The following GATAD2B variants were observed in gnomAD, a reference collection of about 807,000 sequenced individuals.
GATAD2B encodes the protein transcriptional repressor p66-beta.
Under a neutral mutation model 64.3 loss-of-function variants are expected in GATAD2B, and 8 were observed. The observed-to-expected ratio is 0.12, with a 90% CI of 0.07 to 0.22. GATAD2B has a LOEUF of 0.22. Ranked by LOEUF, GATAD2B falls within the 10% of genes least tolerant of loss-of-function variation. The pLI, the probability that GATAD2B is intolerant of heterozygous loss-of-function variation, is 1.00. For missense variants in GATAD2B, 453 were observed against 752.0 expected (o/e 0.60, Z 4.65); for synonymous variants, 281 against 271.3 (o/e 1.04, Z -0.35).
intron 1 of GATAD2B, among the ~76,000 whole-genome samples, chr1:153,875,322 A>G (rs1391511174): frequency 1.3e-5 from 2 of 152,152 alleles, no homozygotes; most frequent in Non-Finnish European, 2.9e-5. Context: ...CTTGGGCCAC[A>G]CATAAAATAC....
At chr1:153,834,300 G>A (rs1417363894) in intron 1 of GATAD2B, among the ~76,000 whole-genome samples, 1 of 151,668 alleles carries the variant, frequency 6.6e-6, no homozygotes, top group Non-Finnish European at 1.5e-5. Context: ...ACCACGCCCA[G>A]CCAAGACCCT....
At position 153,905,622 on chromosome 1, in the gene GATAD2B, G is replaced by A. The variant is rs73010748; in HGVS notation, c.-2+17111C>T. Reference sequence around the variant, plus strand: ...TCTTCCTGATTCCAAAACTTACTACGTAACTACAGTAATCAAAACAGTGTG... The same window carrying A: ...TCTTCCTGATTCCAAAACTTACTACATAACTACAGTAATCAAAACAGTGTG... On this transcript the variant is annotated intron_variant, in intron 1 of 10. Transcript: ENST00000368655. Among the ~76,000 whole-genome samples the A allele has an allele frequency of 2.0e-3, 294 of 149,100 alleles. 1 individual carries two copies. The highest frequency in any genetic ancestry group is 6.9e-3 in the African/African-American group (278 of 40,568).
chr1:153,828,421 G>C, intron 1 of GATAD2B, 73 bp from the exon 2 acceptor site: 1 of 1,049,270 alleles, frequency 9.5e-7, no homozygotes, highest in Non-Finnish European at 1.4e-6. Flanking sequence ...AGGTGGAATG[G>C]TGAAGTTATT....
chr1:153,897,493 T>C (rs1677632301), intron 1 of GATAD2B, among the ~76,000 whole-genome samples: 1 of 152,220 alleles, frequency 6.6e-6, no homozygotes, highest in East Asian at 1.9e-4. Context: ...TAGGATTACT[T>C]GACTTTTGGT....
chr1:153,848,956 A>G (rs1675785993), intron 1 of GATAD2B, among the ~76,000 whole-genome samples: 1 of 147,414 alleles, frequency 6.8e-6, no homozygotes. Flanking sequence ...TCTCAAAACA[A>G]AGCAAAAAAC....
intron 1 of GATAD2B, among the ~76,000 whole-genome samples, chr1:153,910,699 C>T (rs886358687): frequency 6.6e-6 from 1 of 152,042 alleles, no homozygotes. Context: ...AAGACTGCGC[C>T]ACTGTGCTCT....
chr1:153,869,501 T>C (rs1301665078), intron 1 of GATAD2B, among the ~76,000 whole-genome samples: 1 of 152,192 alleles, frequency 6.6e-6, no homozygotes, highest in African/African-American at 2.4e-5. Flanking sequence ...TTTCAAACTG[T>C]CCCAGATCTG....
chr1:153,836,721 T>C (rs894911692), intron 1 of GATAD2B, among the ~76,000 whole-genome samples: 4 of 152,164 alleles, frequency 2.6e-5, no homozygotes, highest in Non-Finnish European at 4.4e-5. Flanking sequence ...TAAGTTGATA[T>C]ACTACAGTAT....
rs1674195328 is a variant in GATAD2B, at chr1:153,808,985, C to T, written c.*1192G>A. On this transcript the variant is annotated 3_prime_UTR_variant, in exon 11 of 11. Coordinates refer to ENST00000368655, the MANE Select transcript of GATAD2B (RefSeq NM_020699.4). Reference sequence around the variant, plus strand: ...CAGGACTCCAACCTGATTGTGTACCCCCAGCCTCTCATCTCCTGGCACTCA... The same window carrying T: ...CAGGACTCCAACCTGATTGTGTACCTCCAGCCTCTCATCTCCTGGCACTCA... The T allele has an allele frequency of 6.6e-6, 1 of 151,958 alleles. No homozygotes were observed. The allele number at this position is 151,958 out of a possible 1,614,324, so 9.4% of individuals were successfully genotyped here.
At chr1:153,841,124 C>CAAAAAAAAAAAAAAAAAAA in intron 1 of GATAD2B, among the ~76,000 whole-genome samples, 1 of 77,436 alleles carries the variant, frequency 1.3e-5, no homozygotes, top group African/African-American at 5.5e-5. Context: ...GACTCCGTCT[C>CAAAAAAAAAAAAAAAAAAA]AAAAAAAAAA....
At chr1:153,860,867 C>T (rs1188780059) in intron 1 of GATAD2B, among the ~76,000 whole-genome samples, 1 of 152,080 alleles carries the variant, frequency 6.6e-6, no homozygotes, top group Non-Finnish European at 1.5e-5. Flanking sequence ...GCTGAGGCTG[C>T]TCTTGAACTC....
chr1:153,846,813 C>T (rs1395108953), intron 1 of GATAD2B, among the ~76,000 whole-genome samples: 2 of 151,996 alleles, frequency 1.3e-5, no homozygotes, highest in Non-Finnish European at 2.9e-5. Context: ...CCTGCTGCGG[C>T]CTCCCCAAGT....
chr1:153,868,144 T>C lies in GATAD2B; in HGVS notation c.-1-39796A>G, dbSNP rs146548542. Among the ~76,000 whole-genome samples the C allele has an allele frequency of 1.5e-4, 23 of 151,838 alleles. No homozygotes were observed. The East Asian group carries it at 3.1e-3, about 21-fold the overall frequency. ...CGAACCCGGGAGGGAGGAGGTTGCA[T>C]TGAGCTGAGATCGTGCCACTGCACT... On this transcript the variant is annotated intron_variant, in intron 1 of 10. Transcript: ENST00000368655.
At chr1:153,904,256 G>A (rs755396667) in intron 1 of GATAD2B, among the ~76,000 whole-genome samples, 13 of 150,366 alleles carry the variant, frequency 8.6e-5, no homozygotes, top group Non-Finnish European at 1.9e-4. Flanking sequence ...CTCCAGCCTG[G>A]GTGAAACACT....
intron 2 of GATAD2B, among the ~76,000 whole-genome samples, chr1:153,825,891 G>C (rs1360651700): frequency 6.6e-6 from 1 of 152,148 alleles, no homozygotes; most frequent in Non-Finnish European, 1.5e-5. Context: ...GCTTCTTAGA[G>C]ATTCTGCTTT....
intron 10 of GATAD2B, among the ~76,000 whole-genome samples, chr1:153,811,169 G>A (rs1040404941): frequency 2.0e-5 from 3 of 152,104 alleles, no homozygotes; most frequent in Non-Finnish European, 2.9e-5. Context: ...TCAAAGTGCT[G>A]GGATTACAGG....
Position 153,817,465 on chromosome 1 carries a change from G to A in GATAD2B, c.807C>T (p.Asn269=). 1 of 1,613,664 alleles carries A rather than the reference G, an allele frequency of 6.2e-7. No individual in the cohort carries two copies. The highest frequency in any genetic ancestry group is 8.5e-7 in the Non-Finnish European group (1 of 1,179,866). The stretch of plus-strand genomic sequence containing the variant: ...CCCGCTGACCCTGTAGCTGGGCTGG[G>A]TTTGGTGCAATAACACGTTGAGACA... The part of the protein sequence containing the change: ...MLMSQRVIAP[N]PAQLQGQRGP... The change falls in exon 6 of 11, where the codon AAC becomes AAT. Residue 269 remains asparagine (N), a synonymous_variant. Coordinates refer to ENST00000368655, the MANE Select transcript of GATAD2B (RefSeq NM_020699.4).
At chr1:153,875,712 CACA>C (rs1676805259) in intron 1 of GATAD2B, among the ~76,000 whole-genome samples, 1 of 147,748 alleles carries the variant, frequency 6.8e-6, no homozygotes, top group African/African-American at 2.5e-5. Context: ...AAAAGGTAGC[CACA>C]AGCTGGCTAA....
intron 1 of GATAD2B, among the ~76,000 whole-genome samples, chr1:153,904,020 C>T (rs936676374): frequency 1.3e-5 from 2 of 152,088 alleles, no homozygotes; most frequent in Admixed American, 6.6e-5. Flanking sequence ...GTGGCTCACG[C>T]CTGTAATCCC....
Sources: gnomAD v4.1 joint callset for allele counts (sites outside exome capture counted in the v4.1 genomes callset) on GRCh38, gnomAD v4.1.1 for gene constraint, MANE v1.5 for transcripts, NCBI Gene and HGNC (gene_info 2026-07-23, HGNC 2026-07-21) for gene names.